CDKAL1: variants seen among roughly 807,000 people sequenced by gnomAD.
CDKAL1 encodes the protein CDKAL1 threonylcarbamoyladenosine tRNA methylthiotransferase, also known as threonylcarbamoyladenosine tRNA methylthiotransferase.
Under a neutral mutation model 68.2 loss-of-function variants are expected in CDKAL1, and 32 were observed. That is an observed-to-expected ratio of 0.47 (90% CI 0.35 to 0.63). The LOEUF (loss-of-function observed/expected upper bound fraction) is 0.63, where lower values mean the gene tolerates loss of function less well. Among genes scored for constraint, CDKAL1 ranks in the 30% least tolerant of loss-of-function variants. CDKAL1 has a pLI of 0.00. For synonymous variants in CDKAL1, 234 were observed against 244.3 expected (o/e 0.96, Z 0.39); for missense variants, 606 against 696.7 (o/e 0.87, Z 1.47).
chr6:21,086,012 C>T (rs575801609), intron 12 of CDKAL1, among the ~76,000 whole-genome samples: 1 of 152,320 alleles, frequency 6.6e-6, no homozygotes, highest in East Asian at 1.9e-4. Flanking sequence ...ATCTCTATGA[C>T]TTGTACACTG....
chr6:20,974,485 CTTTT>C (rs1765744144), intron 10 of CDKAL1, among the ~76,000 whole-genome samples: 1 of 152,106 alleles, frequency 6.6e-6, no homozygotes, highest in African/African-American at 2.4e-5. Context: ...CATTGTGTTT[CTTTT>C]GTCTTGTGAT....
chr6:20,897,243 G>A (rs1276452705), intron 9 of CDKAL1, among the ~76,000 whole-genome samples: 1 of 152,140 alleles, frequency 6.6e-6, no homozygotes, highest in Non-Finnish European at 1.5e-5. Context: ...TTTAATTAAA[G>A]TTGATTCACT....
At chr6:20,892,035 C>A (rs1221862612) in intron 9 of CDKAL1, among the ~76,000 whole-genome samples, 2 of 151,302 alleles carry the variant, frequency 1.3e-5, no homozygotes, top group Non-Finnish European at 2.9e-5. Flanking sequence ...GCATATATAT[C>A]TGTATTAAAA....
chr6:20,660,297 C>T (rs1769225991), intron 5 of CDKAL1, among the ~76,000 whole-genome samples: 1 of 151,984 alleles, frequency 6.6e-6, no homozygotes, highest in South Asian at 2.1e-4. Flanking sequence ...CAGAAAAATT[C>T]TTTTTATGAA....
intron 4 of CDKAL1, among the ~76,000 whole-genome samples, chr6:20,614,742 TA>T (rs1377302856): frequency 6.6e-6 from 1 of 152,230 alleles, no homozygotes; most frequent in Non-Finnish European, 1.5e-5. Flanking sequence ...CGTGTAGCTT[TA>T]AAAATATGGA....
intron 9 of CDKAL1, among the ~76,000 whole-genome samples, chr6:20,884,285 G>A (rs184776296): frequency 6.8e-6 from 1 of 147,634 alleles, no homozygotes; most frequent in Non-Finnish European, 1.5e-5. Flanking sequence ...TGATGAGGTT[G>A]ATGGAAAAAA....
chr6:21,021,523 T>C (rs1425849555), intron 11 of CDKAL1, among the ~76,000 whole-genome samples: 2 of 152,190 alleles, frequency 1.3e-5, no homozygotes, highest in African/African-American at 4.8e-5. Context: ...AAATATTTTA[T>C]TTTCTTTCTA....
intron 13 of CDKAL1, among the ~76,000 whole-genome samples, chr6:21,129,682 CAA>C (rs34802727): frequency 1.3e-4 from 9 of 69,014 alleles, no homozygotes; most frequent in Non-Finnish European, 1.6e-4. Flanking sequence ...TGCAGTTTAC[CAA>C]AAAAAAAAAA....
At chr6:21,127,109 AG>A (rs1466086732) in intron 13 of CDKAL1, among the ~76,000 whole-genome samples, 9 of 152,210 alleles carry the variant, frequency 5.9e-5, no homozygotes, top group African/African-American at 2.2e-4. Context: ...GAATTGGGCC[AG>A]GGTGTTAATG....
At chr6:20,779,665 A>C (rs1775328781) in intron 7 of CDKAL1, among the ~76,000 whole-genome samples, 2 of 152,168 alleles carry the variant, frequency 1.3e-5, no homozygotes, top group South Asian at 4.1e-4. Flanking sequence ...GCTCACTGCA[A>C]CCTCTGCTGC....
chr6:20,621,096 C>T (rs1317131078), intron 4 of CDKAL1, among the ~76,000 whole-genome samples: 1 of 151,994 alleles, frequency 6.6e-6, no homozygotes, highest in Admixed American at 6.6e-5. Context: ...TCAGATTTAC[C>T]ATTTGCATTT....
At chr6:20,602,132 A>G (rs1275058103) in intron 4 of CDKAL1, among the ~76,000 whole-genome samples, 2 of 152,206 alleles carry the variant, frequency 1.3e-5, no homozygotes, top group Admixed American at 6.5e-5. Flanking sequence ...GTATTATAAT[A>G]CTATTTTGTA....
chr6:20,638,781 G>A (rs773209577), intron 4 of CDKAL1, among the ~76,000 whole-genome samples: 3 of 134,622 alleles, frequency 2.2e-5, no homozygotes, highest in Admixed American at 7.3e-5. Context: ...TTACAAACAC[G>A]CGCCACCATG....
At chr6:21,154,992 A>AC (rs796921012) in intron 13 of CDKAL1, among the ~76,000 whole-genome samples, 1,743 of 115,956 alleles carry the variant, frequency 0.015, 40 homozygotes, top group African/African-American at 0.06. Context: ...TCCGTCCCCC[A>AC]CCCCCCCCAA....
intron 5 of CDKAL1, among the ~76,000 whole-genome samples, chr6:20,680,940 T>G (rs1319427800): frequency 2.0e-5 from 3 of 152,224 alleles, no homozygotes; most frequent in Non-Finnish European, 4.4e-5. Context: ...CATCAGGATG[T>G]GACTTCGAGA....
At chr6:20,940,604 G>A (rs981145424) in intron 9 of CDKAL1, among the ~76,000 whole-genome samples, 1 of 152,132 alleles carries the variant, frequency 6.6e-6, no homozygotes, top group Admixed American at 6.5e-5. Flanking sequence ...GCCCAGGCTG[G>A]AGTGCAAAAT....
In CDKAL1 at chr6:20,721,725, G is replaced by GTTTTTTTTTTTTTTTTTTTTT. The variant is rs145893325; in HGVS notation, c.372-17789_372-17769dup. Among the ~76,000 whole-genome samples, 18 of 67,376 alleles carry GTTTTTTTTTTTTTTTTTTTTT rather than the reference G, an allele frequency of 2.7e-4. 1 individual carries two copies. The highest frequency in any genetic ancestry group is 3.7e-4 in the Non-Finnish European group (14 of 37,672). The allele number at this position is 67,376 out of a possible 152,430, so 44.2% of individuals were successfully genotyped here. A position where few individuals can be genotyped will look rare whatever the true frequency, so the allele number is the denominator to read the frequency against. On this transcript the variant is annotated intron_variant, in intron 5 of 15. Transcript: ENST00000274695. ...CTTCTCTGCACCCTGACCAACTTCT[G>GTTTTTTTTTTTTTTTTTTTTT]TTTTTTTTTTTTTTTTTTTTTTTTT...
intron 11 of CDKAL1, among the ~76,000 whole-genome samples, chr6:21,049,720 T>C (rs1770436068): frequency 6.6e-6 from 1 of 152,188 alleles, no homozygotes; most frequent in Non-Finnish European, 1.5e-5. Flanking sequence ...GATGTGTGCT[T>C]GAAGCCAAAT....
intron 11 of CDKAL1, among the ~76,000 whole-genome samples, chr6:21,032,372 C>G (rs1370218294): frequency 1.3e-5 from 2 of 152,126 alleles, no homozygotes; most frequent in Non-Finnish European, 1.5e-5. Context: ...CTGCACCTGG[C>G]TATTTCCCCT....
Sources: gnomAD v4.1 joint callset for allele counts (sites outside exome capture counted in the v4.1 genomes callset) on GRCh38, gnomAD v4.1.1 for gene constraint, MANE v1.5 for transcripts, NCBI Gene and HGNC (gene_info 2026-07-23, HGNC 2026-07-21) for gene names.